Variants in SLC22A4 observed in about 807,000 individuals in gnomAD.
SLC22A4 encodes the protein ET transporter.
In SLC22A4, 39 loss-of-function variants were observed where a neutral mutation model predicts 56.6. That is an observed-to-expected ratio of 0.69 (90% CI 0.53 to 0.90). The LOEUF is 0.90. Ranked by LOEUF, SLC22A4 falls within the 40% of genes least tolerant of loss-of-function variation. SLC22A4 has a pLI of 0.00. For synonymous variants in SLC22A4, 241 were observed against 281.4 expected, an observed-to-expected ratio of 0.86 and a Z score of 1.44; for missense variants, 594 against 696.5, an observed-to-expected ratio of 0.85 and a Z score of 1.66.
At chr5:132,314,825 CG>C (rs1020580410) in intron 3 of SLC22A4, among the ~76,000 whole-genome samples, 3 of 152,194 alleles carry the variant, frequency 2.0e-5, no homozygotes, top group Admixed American at 1.3e-4. Context: ...TAATTATTTG[CG>C]AAGAGCCCCG....
rs571077905 is a variant in SLC22A4 at position 132,314,308 on chromosome 5, C to T, written c.652+540C>T. 4.6e-5 allele frequency among the ~76,000 whole-genome samples: 7 copies of T among 152,292 alleles called. No individual in the cohort carries two copies. In the East Asian group the frequency reaches 1.2e-3, roughly 25 times the overall value. On this transcript the variant is annotated intron_variant, in intron 3 of 9. Transcript: ENST00000200652. ...TCAGCTAAGCACAGGACAAGCCTCC[C>T]CACACTGATAGCCCCATCTCCTGTC...
chr5:132,326,786 T>C (rs1005460233), intron 4 of SLC22A4, among the ~76,000 whole-genome samples: 1 of 152,238 alleles, frequency 6.6e-6, no homozygotes, highest in African/African-American at 2.4e-5. Flanking sequence ...GTGCCCTCAC[T>C]TTCTCTTTTG....
intron 8 of SLC22A4, among the ~76,000 whole-genome samples, chr5:132,338,615 C>A (rs532220421): frequency 2.6e-4 from 40 of 152,260 alleles, no homozygotes; most frequent in Middle Eastern, 3.4e-3. Context: ...TAGAGGCCTA[C>A]CCTCAGGGAC....
At chr5:132,310,217 C>T (rs1750147203) in intron 1 of SLC22A4, among the ~76,000 whole-genome samples, 1 of 152,224 alleles carries the variant, frequency 6.6e-6, no homozygotes, top group Admixed American at 6.5e-5. Context: ...CTATCATGCT[C>T]ATTTACTTGC....
At chr5:132,339,444 T>C (rs564318674) in intron 8 of SLC22A4, among the ~76,000 whole-genome samples, 7 of 149,070 alleles carry the variant, frequency 4.7e-5, no homozygotes, top group African/African-American at 9.9e-5. Flanking sequence ...ACCTCATCAA[T>C]TGGGCAATTG....
chr5:132,296,975 G>T (rs554309952), intron 1 of SLC22A4, among the ~76,000 whole-genome samples: 4 of 152,098 alleles, frequency 2.6e-5, no homozygotes, highest in Non-Finnish European at 5.9e-5. Flanking sequence ...GCTTTTTTTG[G>T]CAGCTTTTCC....
intron 5 of SLC22A4, among the ~76,000 whole-genome samples, chr5:132,328,903 G>GTATATATATATATATA (rs753290785): frequency 2.9e-4 from 28 of 96,394 alleles, no homozygotes; most frequent in African/African-American, 1.3e-3. Context: ...GTGTGTATGT[G>GTATATATATATATATA]TATATATATA....
intron 1 of SLC22A4, among the ~76,000 whole-genome samples, chr5:132,298,831 G>C (rs547903191): frequency 2.6e-4 from 40 of 152,200 alleles, no homozygotes; most frequent in Non-Finnish European, 4.6e-4. Flanking sequence ...CCACTGGCTG[G>C]GGACAGTGGG....
intron 8 of SLC22A4, among the ~76,000 whole-genome samples, chr5:132,336,540 T>G (rs967656245): frequency 9.3e-4 from 142 of 152,000 alleles, no homozygotes; most frequent in African/African-American, 3.4e-3. Flanking sequence ...TAAATAAAAA[T>G]AATAAAAAAT....
intron 8 of SLC22A4, among the ~76,000 whole-genome samples, chr5:132,340,335 C>T (rs1231089813): frequency 6.6e-6 from 1 of 151,958 alleles, no homozygotes; most frequent in East Asian, 1.9e-4. Context: ...TTAGAGGATA[C>T]CAGTTGACAG....
intron 3 of SLC22A4, among the ~76,000 whole-genome samples, chr5:132,317,832 G>T (rs1473011068): frequency 1.3e-5 from 2 of 152,092 alleles, no homozygotes; most frequent in Non-Finnish European, 2.9e-5. Context: ...ATTTAAATTT[G>T]AAGTTGCCTC....
intron 9 of SLC22A4, 105 bp downstream of exon 9, chr5:132,340,805 A>T: frequency 8.9e-7 from 1 of 1,117,876 alleles, no homozygotes; most frequent in Non-Finnish European, 1.4e-6. Flanking sequence ...AGTAGAGACT[A>T]GCTCTATCAG....
intron 3 of SLC22A4, among the ~76,000 whole-genome samples, chr5:132,314,061 C>G (rs988284089): frequency 2.6e-5 from 4 of 152,156 alleles, no homozygotes; most frequent in Non-Finnish European, 1.5e-5. Context: ...AAGAGAGGCA[C>G]AGAGGAGGAC....
chr5:132,336,181 ATT>A lies in SLC22A4; in HGVS notation c.1444+184_1444+185del, dbSNP rs565014903. 5.0e-3 allele frequency among the ~76,000 whole-genome samples: 766 copies of A among 151,734 alleles called. 6 individuals carry two copies. Among genetic ancestry groups the A allele is most frequent in the African/African-American group, 0.018 (743 of 41,434 alleles). On this transcript the variant is annotated intron_variant, in intron 8 of 9. Transcript: ENST00000200652. ...CAAACTGGTGAGTAGCGCTACAGACATTTTGTTTTGCACAACATCATGTACAC... is the reference window on the plus strand; with the variant it reads ...CAAACTGGTGAGTAGCGCTACAGACATTGTTTTGCACAACATCATGTACAC...
chr5:132,322,824 GA>G (rs1750583538), intron 4 of SLC22A4, among the ~76,000 whole-genome samples: 1 of 152,178 alleles, frequency 6.6e-6, no homozygotes, highest in Admixed American at 6.5e-5. Context: ...ATGTCTCGAA[GA>G]GTGAGAAAAT....
In SLC22A4 at chr5:132,335,804, G is replaced by T; in HGVS notation, c.1262-14G>T. ...TCTAAAAGCACCATTGTTTATACCG[G>T]GTCTCTTTTCCAGATTATTACTTCT... On this transcript the variant is annotated splice_polypyrimidine_tract_variant and intron_variant, in intron 7 of 9. Coordinates refer to ENST00000200652, the MANE Select transcript of SLC22A4 (RefSeq NM_003059.3). The T allele has an allele frequency of 6.2e-7, 1 of 1,609,094 alleles. No homozygotes were observed. The highest frequency in any genetic ancestry group is 8.5e-7 in the Non-Finnish European group (1 of 1,175,486).
chr5:132,318,964 C>T (rs747998007), intron 3 of SLC22A4, among the ~76,000 whole-genome samples: 2 of 152,122 alleles, frequency 1.3e-5, no homozygotes, highest in Admixed American at 6.5e-5. Context: ...CATAAAAGAT[C>T]TGTGTAATCA....
chr5:132,328,698 T>G (rs576670953), intron 5 of SLC22A4, among the ~76,000 whole-genome samples: 15 of 152,202 alleles, frequency 9.9e-5, no homozygotes, highest in Middle Eastern at 3.4e-3. Context: ...TCTGTGAAAC[T>G]TAGAGTCTAG....
At chr5:132,343,011 A>G (rs1162844557) in intron 9 of SLC22A4, among the ~76,000 whole-genome samples, 1 of 152,128 alleles carries the variant, frequency 6.6e-6, no homozygotes, top group Non-Finnish European at 1.5e-5. Context: ...ACCAGCCCCC[A>G]CCCTGAAGCT....
Sources: allele counts gnomAD v4.1 joint callset (sites outside exome capture counted in the v4.1 genomes callset), GRCh38; gene constraint gnomAD v4.1.1; transcripts MANE v1.5; gene names NCBI Gene and HGNC (gene_info 2026-07-23, HGNC 2026-07-21).